The following NFKB2 variants were observed in gnomAD, a reference collection of about 807,000 sequenced individuals.
NFKB2 encodes nuclear factor NF-kappa-B p100 subunit.
A neutral mutation model predicts 109.3 loss-of-function variants in NFKB2; 21 were observed. The ratio of observed to expected loss-of-function variants is 0.19; its 90% confidence interval spans 0.14 to 0.28. NFKB2 has a LOEUF of 0.28. NFKB2 is among the 10% of genes least tolerant of loss of function. NFKB2 has a pLI of 1.00. For missense variants in NFKB2, 806 were observed against 1,185.3 expected (o/e 0.68, Z 4.70); for synonymous variants, 478 against 489.9 (o/e 0.98, Z 0.32).
chr10:102,394,409 GT>G (rs1369569917), upstream of NFKB2: 1 of 152,532 alleles, frequency 6.6e-6, no homozygotes, highest in Non-Finnish European at 1.5e-5. Context: ...GGCTGCGCCA[GT>G]CCAGAGTTAA....
Position 102,397,663 on chromosome 10 carries a change from C to T in NFKB2, c.639C>T (p.Ile213=), listed in dbSNP as rs1160780232. The change falls in exon 8 of 23, where the codon ATC becomes ATT. Residue 213 remains isoleucine, a synonymous_variant. Coordinates refer to ENST00000661543, the MANE Select transcript of NFKB2 (RefSeq NM_001322934.2). The surrounding 1 kb of genome is among the most constrained non-coding windows in gnomAD (Gnocchi z 4.7). The part of the protein sequence containing the change: ...GSFSLPLKPV[I]SQPIHDSKSP... Reference sequence around the variant, plus strand: ...TCTCCCTGCCCCTGAAGCCAGTCATCTCCCAGCCCATCCATGACAGCAGTG... The same window carrying T: ...TCTCCCTGCCCCTGAAGCCAGTCATTTCCCAGCCCATCCATGACAGCAGTG... The T allele has an allele frequency of 1.2e-6, 2 of 1,612,648 alleles. No individual in the cohort carries two copies. The highest frequency in any genetic ancestry group is 4.5e-5 in the East Asian group (2 of 44,840).
At position 102,399,769 on chromosome 10, in the gene NFKB2, G is replaced by A. The variant is rs916526516; in HGVS notation, c.1469+51G>A. 19 of 1,439,390 alleles carry A rather than the reference G, an allele frequency of 1.3e-5. No homozygotes were observed. The African/African-American group carries it at 2.4e-4, about 18-fold the overall frequency. The allele number at this position is 1,439,390 out of a possible 1,614,324, so 89.2% of individuals were successfully genotyped here. ...GAGGCGCGGGGTGGGGGCAGGAAAG[G>A]GACCGGCACGGAGGCGGGCTCTGCA... On this transcript the variant is annotated intron_variant, in intron 14 of 22. Coordinates refer to ENST00000661543, the MANE Select transcript of NFKB2 (RefSeq NM_001322934.2).
chr10:102,399,050 T>TA, intron 12 of NFKB2, 186 bp downstream of exon 12: 1 of 748,184 alleles, frequency 1.3e-6, no homozygotes. Context: ...TCGTCTCTAC[T>TA]AAAAATACAA....
rs1470651618 is a variant in NFKB2 at position 102,396,127 on chromosome 10, C to T, written c.22-126C>T. On this transcript the variant is annotated intron_variant, in intron 2 of 22. Coordinates refer to ENST00000661543, the MANE Select transcript of NFKB2 (RefSeq NM_001322934.2). This position sits in a 1 kb window ranked among gnomAD's most constrained non-coding sequence, Gnocchi z 5.9. Reference sequence around the variant, plus strand: ...TGTCCATCTGTCTGCAACTCTGCCTCCAAAAGGAGCTTTCTCTTGGGTCTG... The same window carrying T: ...TGTCCATCTGTCTGCAACTCTGCCTTCAAAAGGAGCTTTCTCTTGGGTCTG... 1 of 1,454,746 alleles carries T rather than the reference C, an allele frequency of 6.9e-7. No homozygotes were observed. Among genetic ancestry groups the T allele is most frequent in the Non-Finnish European group, 9.6e-7 (1 of 1,047,014 alleles). 90.1% of individuals were successfully genotyped at this position (1,454,746 alleles called of 1,614,324 possible).
Position 102,396,506 on chromosome 10 carries a change from G to A in NFKB2, c.144+17G>A. On this transcript the variant is annotated intron_variant, in intron 4 of 22. Transcript: ENST00000661543. The surrounding 1 kb of genome is among the most constrained non-coding windows in gnomAD (Gnocchi z 5.9). Reference sequence around the variant, plus strand: ...CCTAAGCAGGTGAGTGAGCAAAAGGGAGGGTGTGGAATGGCTTCAGCTTTG... The same window carrying A: ...CCTAAGCAGGTGAGTGAGCAAAAGGAAGGGTGTGGAATGGCTTCAGCTTTG... 1 of 1,613,890 alleles carries A rather than the reference G, an allele frequency of 6.2e-7. No homozygotes were observed. Among genetic ancestry groups the A allele is most frequent in the Non-Finnish European group, 8.5e-7 (1 of 1,180,018 alleles).
intron 12 of NFKB2, 153 bp from the exon 13 acceptor site, chr10:102,399,135 C>T: frequency 4.8e-6 from 4 of 837,786 alleles, no homozygotes; most frequent in Admixed American, 2.6e-5. Flanking sequence ...ATCGCTTGAA[C>T]CCTGGGAGAC....
At position 102,399,625 on chromosome 10, in the gene NFKB2, G is replaced by A. The variant is rs944458269; in HGVS notation, c.1376G>A (p.Arg459Gln). Residue 459 changes from arginine (R) to glutamine (Q), a missense_variant, in exon 14 of 23, where the codon CGA (arginine) becomes CAA (glutamine). Around this residue, in one of 10 missense-constraint regions of NFKB2, gnomAD observed 209 missense variants for 211.9 expected, o/e 0.99. Transcript: ENST00000661543. ...TTCGGCCTGGCGCAGCGCAGCGCCC[G>A]AGCCCTACTCGACTACGGCGTCACC... The part of the protein sequence containing the change: ...RLFGLAQRSA[R>Q]ALLDYGVTAD... The A allele has an allele frequency of 6.5e-6, 10 of 1,545,508 alleles. No individual in the cohort carries two copies. The African/African-American group carries it at 1.2e-4, about 19-fold the overall frequency.
At position 102,398,751 on chromosome 10, in the gene NFKB2, T is replaced by C. The variant is rs1268417378; in HGVS notation, c.1004T>C (p.Val335Ala). ...YYPLVEDKEE[V>A]QRKRRKALPT... ...CCTCTGCCCCCAGACAAGGAAGAGGTGCAGCGGAAGCGGAGGAAGGCCTTG... is the reference window on the plus strand; with the variant it reads ...CCTCTGCCCCCAGACAAGGAAGAGGCGCAGCGGAAGCGGAGGAAGGCCTTG... Residue 335 changes from valine (V) to alanine (A), a missense_variant, in exon 12 of 23, where the codon GTG becomes GCG. By Grantham distance (64) the Val-to-Ala change is moderately conservative (BLOSUM62 0). Coordinates refer to ENST00000661543, the MANE Select transcript of NFKB2 (RefSeq NM_001322934.2). The surrounding 1 kb of genome is among the most constrained non-coding windows in gnomAD (Gnocchi z 6.6). The C allele has an allele frequency of 6.2e-7, 1 of 1,611,996 alleles. No homozygotes were observed. The highest frequency in any genetic ancestry group is 1.3e-5 in the African/African-American group (1 of 74,782).
In NFKB2 at chr10:102,400,380, G is replaced by A; in HGVS notation, c.1687G>A (p.Ala563Thr). Residue 563 changes from alanine to threonine, a missense_variant, in exon 16 of 23, where the codon GCC (alanine) becomes ACC (threonine). Physicochemically the swap from Ala to Thr is moderately conservative, Grantham distance 58 (BLOSUM62 0). Around this residue, in one of 10 missense-constraint regions of NFKB2, gnomAD observed 163 missense variants for 207.1 expected, o/e 0.79. Transcript: ENST00000661543. This position sits in a 1 kb window ranked among gnomAD's most constrained non-coding sequence, Gnocchi z 6.3. ...PALLDRHGDSAMHLALRAGAG... is the reference protein window; with the variant it reads ...PALLDRHGDSTMHLALRAGAG... ...TCTGCTGGATCGGCATGGAGACTCAGCCATGCATCTGGCGCTGCGGGCAGG... is the reference window on the plus strand; with the variant it reads ...TCTGCTGGATCGGCATGGAGACTCAACCATGCATCTGGCGCTGCGGGCAGG... The A allele has an allele frequency of 6.2e-7, 1 of 1,613,648 alleles. No individual in the cohort carries two copies. Among genetic ancestry groups the A allele is most frequent in the Non-Finnish European group, 8.5e-7 (1 of 1,180,014 alleles).
upstream of NFKB2, among the ~76,000 whole-genome samples, chr10:102,395,157 C>A (rs2061080659): frequency 1.4e-5 from 2 of 140,112 alleles, no homozygotes; most frequent in Admixed American, 7.6e-5. Context: ...GCGCCCAGAA[C>A]CGGTGCGGTG....
Position 102,399,711 on chromosome 10 carries a change from G to C in NFKB2, c.1462G>C (p.Gly488Arg), listed in dbSNP as rs776815556. The C allele has an allele frequency of 6.7e-7, 1 of 1,487,806 alleles. No homozygotes were observed. The highest frequency in any genetic ancestry group is 1.3e-5 in the South Asian group (1 of 76,920). 92.2% of individuals were successfully genotyped at this position (1,487,806 alleles called of 1,614,324 possible). ...CCTGCTGACGGCGCAGGACGAGAAC[G>C]GAGACACGTAGGCAACAGAGGGCCT... ...RHLLTAQDEN[G>R]DTPLHLAIIH... Residue 488 changes from glycine (G) to arginine (R), a missense_variant, in exon 14 of 23, where the codon GGA becomes CGA. Physicochemically the swap from Gly to Arg is moderately radical, Grantham distance 125. Coordinates refer to ENST00000661543, the MANE Select transcript of NFKB2 (RefSeq NM_001322934.2).
At position 102,396,708 on chromosome 10, in the gene NFKB2, T is replaced by C. The variant is rs1438022926; in HGVS notation, c.145-17T>C. On this transcript the variant is annotated splice_polypyrimidine_tract_variant and intron_variant, in intron 4 of 22. Transcript: ENST00000661543. The surrounding 1 kb of genome is among the most constrained non-coding windows in gnomAD (Gnocchi z 5.9). ...GTCTTCCCTGATCACAATGCTACTA[T>C]GCCCTTGGACCTTCAGAGAGGCTTC... is the stretch of plus-strand genomic sequence containing the variant. 2 of 1,607,726 alleles carry C rather than the reference T, an allele frequency of 1.2e-6. No homozygotes were observed. The highest frequency in any genetic ancestry group is 1.3e-5 in the African/African-American group (1 of 74,904).
rs773804140 is a variant in NFKB2 at position 102,398,741 on chromosome 10, A to G, written c.994A>G (p.Lys332Glu). The G allele has an allele frequency of 6.2e-7, 1 of 1,612,292 alleles. No individual in the cohort carries two copies. Among genetic ancestry groups the G allele is most frequent in the East Asian group, 2.2e-5 (1 of 44,878 alleles). The change falls in exon 12 of 23, where the codon AAG (lysine) becomes GAG (glutamate). Residue 332 changes from lysine (K) to glutamate (E), a missense_variant and splice_region_variant. Physicochemically the swap from Lys to Glu is moderately conservative, Grantham distance 56 (BLOSUM62 1). Transcript: ENST00000661543. This position sits in a 1 kb window ranked among gnomAD's most constrained non-coding sequence, Gnocchi z 6.6. ...ATCTCATTTTCCTCTGCCCCCAGACAAGGAAGAGGTGCAGCGGAAGCGGAG... is the reference window on the plus strand; with the variant it reads ...ATCTCATTTTCCTCTGCCCCCAGACGAGGAAGAGGTGCAGCGGAAGCGGAG... Reference protein sequence around the residue: ...QFTYYPLVEDKEEVQRKRRKA... With the variant: ...QFTYYPLVEDEEEVQRKRRKA...
upstream of NFKB2, among the ~76,000 whole-genome samples, chr10:102,395,078 T>G (rs1013199585): frequency 9.2e-6 from 1 of 109,192 alleles, no homozygotes. Flanking sequence ...GGAGCTGTGA[T>G]GGAGACACAC....
In NFKB2 at chr10:102,398,732, C is replaced by T. The variant is rs1423186469; in HGVS notation, c.992-7C>T. On this transcript the variant is annotated splice_polypyrimidine_tract_variant and splice_region_variant and intron_variant, in intron 11 of 22. Transcript: ENST00000661543. The surrounding 1 kb of genome is among the most constrained non-coding windows in gnomAD (Gnocchi z 6.6). ...CTGGGCTCAATCTCATTTTCCTCTG[C>T]CCCCAGACAAGGAAGAGGTGCAGCG... 2 of 1,612,222 alleles carry T rather than the reference C, an allele frequency of 1.2e-6. No homozygotes were observed. Among genetic ancestry groups the T allele is most frequent in the South Asian group, 2.2e-5 (2 of 91,010 alleles).
In NFKB2 at chr10:102,399,702, G is replaced by A. The variant is rs1348472521; in HGVS notation, c.1453G>A (p.Asp485Asn). 6.7e-7 allele frequency: 1 copy of A among 1,494,254 alleles called. No homozygotes were observed. Among genetic ancestry groups the A allele is most frequent in the Non-Finnish European group, 8.9e-7 (1 of 1,120,370 alleles). The allele number at this position is 1,494,254 out of a possible 1,614,324, so 92.6% of individuals were successfully genotyped here. A position where few individuals can be genotyped will look rare whatever the true frequency, so the allele number is the denominator to read the frequency against. ...ACAGCGCCACCTGCTGACGGCGCAG[G>A]ACGAGAACGGAGACACGTAGGCAAC... The part of the protein sequence containing the change: ...AGQRHLLTAQ[D>N]ENGDTPLHLA... Residue 485 changes from aspartate to asparagine, a missense_variant, in exon 14 of 23, where the codon GAC (aspartate) becomes AAC (asparagine). Physicochemically the swap from Asp to Asn is conservative, Grantham distance 23 (BLOSUM62 1). Coordinates refer to ENST00000661543, the MANE Select transcript of NFKB2 (RefSeq NM_001322934.2).
upstream of NFKB2, chr10:102,395,591 C>G (rs905877550): frequency 4.7e-6 from 2 of 422,452 alleles, no homozygotes; most frequent in African/African-American, 3.9e-5. Flanking sequence ...CGTAGACTGT[C>G]GAGGGCCTCC....
chr10:102,398,197 C>A lies in NFKB2; in HGVS notation c.767-15C>A, dbSNP rs1303691629. Reference sequence around the variant, plus strand: ...TCCACCGGGAGCTGTGGCCAAGCTTCCGTTTTCCTTGTAGATGACATTGAG... The same window carrying A: ...TCCACCGGGAGCTGTGGCCAAGCTTACGTTTTCCTTGTAGATGACATTGAG... On this transcript the variant is annotated splice_polypyrimidine_tract_variant and intron_variant, in intron 9 of 22. Coordinates refer to ENST00000661543, the MANE Select transcript of NFKB2 (RefSeq NM_001322934.2). The surrounding 1 kb of genome is among the most constrained non-coding windows in gnomAD (Gnocchi z 6.6). 3.1e-6 allele frequency: 5 copies of A among 1,614,076 alleles called. No individual in the cohort carries two copies. In the South Asian group the frequency reaches 4.4e-5, roughly 14 times the overall value.
rs781293107 is a variant in NFKB2, at chr10:102,401,042, G to A, written c.2064G>A (p.Leu688=). Residue 688 remains leucine, a synonymous_variant, in exon 18 of 23, where the codon CTG becomes CTA. Coordinates refer to ENST00000661543, the MANE Select transcript of NFKB2 (RefSeq NM_001322934.2). The surrounding 1 kb of genome is among the most constrained non-coding windows in gnomAD (Gnocchi z 4.2). ...ACCCGACCCTCACCCGCCTCCTTCTGAAGGCTGGTCAGTCTCACCCTCAGG... is the reference window on the plus strand; with the variant it reads ...ACCCGACCCTCACCCGCCTCCTTCTAAAGGCTGGTCAGTCTCACCCTCAGG... ...LGYPTLTRLL[L]KAGADIHAEN... is the part of the protein sequence containing the mutation. The A allele has an allele frequency of 6.2e-7, 1 of 1,614,104 alleles. No homozygotes were observed. The highest frequency in any genetic ancestry group is 8.5e-7 in the Non-Finnish European group (1 of 1,179,996).
Sources: allele counts gnomAD v4.1 joint callset (sites outside exome capture counted in the v4.1 genomes callset), GRCh38; gene constraint gnomAD v4.1.1; regional missense constraint gnomAD v4.1.1; non-coding constraint Gnocchi (gnomAD v3.1); transcripts MANE v1.5; gene names NCBI Gene and HGNC (gene_info 2026-07-23, HGNC 2026-07-21).